YPEL2: variants seen among roughly 807,000 people sequenced by gnomAD.
YPEL2 encodes the protein yippee like 2.
YPEL2 carries 2 observed loss-of-function variants against 19.1 expected under a neutral mutation model. The observed-to-expected ratio is 0.10, with a 90% CI of 0.04 to 0.33. YPEL2 has a LOEUF of 0.33. Ranked by LOEUF, YPEL2 falls within the 10% of genes least tolerant of loss-of-function variation. The pLI, the probability that YPEL2 is intolerant of heterozygous loss-of-function variation, is 1.00. For synonymous variants in YPEL2, 52 were observed against 50.0 expected (o/e 1.04, Z -0.17); for missense variants, 66 against 140.7 (o/e 0.47, Z 2.68).
At chr17:59,380,688 C>G (rs944531240) in intron 2 of YPEL2, among the ~76,000 whole-genome samples, 5 of 152,188 alleles carry the variant, frequency 3.3e-5, no homozygotes, top group African/African-American at 1.2e-4. Context: ...AGTAACATAG[C>G]TAGTATACAG....
At chr17:59,387,203 G>C (rs1013091016) in intron 2 of YPEL2, among the ~76,000 whole-genome samples, 2 of 139,034 alleles carry the variant, frequency 1.4e-5, no homozygotes, top group Admixed American at 1.6e-4. Context: ...GAGGTGCAGT[G>C]AGCCAAGATC....
intron 2 of YPEL2, among the ~76,000 whole-genome samples, chr17:59,382,207 G>A (rs918614812): frequency 6.6e-6 from 1 of 152,218 alleles, no homozygotes; most frequent in African/African-American, 2.4e-5. Flanking sequence ...GCTCCTCAAG[G>A]GAACCTGAGT....
intron 2 of YPEL2, among the ~76,000 whole-genome samples, chr17:59,378,626 C>A (rs964959815): frequency 6.6e-6 from 1 of 152,156 alleles, no homozygotes; most frequent in African/African-American, 2.4e-5. Context: ...TGTGAGCCAC[C>A]GTGCCTGGCT....
At position 59,400,141 on chromosome 17, in the gene YPEL2, C is replaced by A. The variant is rs927409150; in HGVS notation, c.*2951C>A. 1.3e-5 allele frequency: 2 copies of A among 152,578 alleles called. No homozygotes were observed. The highest frequency in any genetic ancestry group is 4.8e-5 in the African/African-American group (2 of 41,416). The allele number at this position is 152,578 out of a possible 1,614,324, so 9.5% of individuals were successfully genotyped here. A position where few individuals can be genotyped will look rare whatever the true frequency, so the allele number is the denominator to read the frequency against. On this transcript the variant is annotated 3_prime_UTR_variant, in exon 5 of 5. Coordinates refer to ENST00000312655, the MANE Select transcript of YPEL2 (RefSeq NM_001005404.4). ...TGCTGATGGATTGATTTGACATGAA[C>A]CAAACACAGCCAAACTCGATACCCA...
intron 1 of YPEL2, among the ~76,000 whole-genome samples, chr17:59,341,307 G>A (rs1041989840): frequency 6.6e-6 from 1 of 151,886 alleles, no homozygotes; most frequent in African/African-American, 2.4e-5. Flanking sequence ...CAGGAGAATC[G>A]CTTGAACCCG....
At chr17:59,395,349 C>A (rs2048033328) in intron 4 of YPEL2, among the ~76,000 whole-genome samples, 1 of 152,136 alleles carries the variant, frequency 6.6e-6, no homozygotes, top group Non-Finnish European at 1.5e-5. Context: ...CAACGGTGAC[C>A]CAGAACCCCG....
At position 59,395,842 on chromosome 17, in the gene YPEL2, G is replaced by C. The variant is rs527794349; in HGVS notation, c.271-1259G>C. 1.1e-3 allele frequency among the ~76,000 whole-genome samples: 164 copies of C among 152,268 alleles called. 1 individual carries two copies. Among genetic ancestry groups the C allele is most frequent in the South Asian group, 2.9e-3 (14 of 4,822 alleles). On this transcript the variant is annotated intron_variant, in intron 4 of 4. Coordinates refer to ENST00000312655, the MANE Select transcript of YPEL2 (RefSeq NM_001005404.4). ...ACCTGTAATCCCAGCACTTTGGGAG[G>C]CCTAGGCGGGTGGATCACGAGGTCA... is the stretch of plus-strand genomic sequence containing the variant.
intron 2 of YPEL2, among the ~76,000 whole-genome samples, chr17:59,374,135 A>T (rs770201534): frequency 1.3e-4 from 20 of 152,180 alleles, no homozygotes; most frequent in Non-Finnish European, 2.5e-4. Context: ...CTAGCTAAGG[A>T]CACCATCCTA....
intron 1 of YPEL2, among the ~76,000 whole-genome samples, chr17:59,332,605 C>T (rs905376282): frequency 2.0e-5 from 3 of 152,056 alleles, no homozygotes; most frequent in Non-Finnish European, 4.4e-5. Context: ...GTGGGCTTTT[C>T]TCCGGTCTTG....
chr17:59,395,042 C>T (rs1171704462), intron 4 of YPEL2, among the ~76,000 whole-genome samples: 3 of 152,236 alleles, frequency 2.0e-5, no homozygotes, highest in Non-Finnish European at 4.4e-5. Flanking sequence ...GGCATCAGTA[C>T]AGTCCAGCTT....
intron 1 of YPEL2, among the ~76,000 whole-genome samples, chr17:59,349,906 G>A (rs1041665433): frequency 2.0e-5 from 3 of 151,968 alleles, no homozygotes; most frequent in Non-Finnish European, 4.4e-5. Context: ...TGATCCGCCC[G>A]CCTCAGCCTC....
intron 2 of YPEL2, among the ~76,000 whole-genome samples, chr17:59,367,603 A>C (rs1392950096): frequency 6.6e-6 from 1 of 152,176 alleles, no homozygotes; most frequent in African/African-American, 2.4e-5. Context: ...GATTAGAATG[A>C]CTGTTGTGAA....
chr17:59,332,083 G>A (rs941122539), intron 1 of YPEL2, among the ~76,000 whole-genome samples: 1 of 151,952 alleles, frequency 6.6e-6, no homozygotes, highest in African/African-American at 2.4e-5. Context: ...AAGGGCGCGG[G>A]ACCCCCGGCC....
intron 1 of YPEL2, among the ~76,000 whole-genome samples, chr17:59,344,952 G>A (rs557665215): frequency 2.0e-5 from 3 of 152,210 alleles, no homozygotes; most frequent in African/African-American, 7.2e-5. Context: ...ATTTTTCCAC[G>A]GATGTGGGGG....
chr17:59,343,380 T>C (rs1361739705), intron 1 of YPEL2, among the ~76,000 whole-genome samples: 1 of 152,134 alleles, frequency 6.6e-6, no homozygotes, highest in African/African-American at 2.4e-5. Flanking sequence ...TGGGGGGATC[T>C]GGAAGGCCGG....
At chr17:59,367,325 G>A (rs954891182) in intron 2 of YPEL2, among the ~76,000 whole-genome samples, 2 of 152,156 alleles carry the variant, frequency 1.3e-5, no homozygotes, top group Admixed American at 6.5e-5. Context: ...CCAGAGTAGG[G>A]GCAGCCAGTC....
At chr17:59,349,090 C>G (rs918795104) in intron 1 of YPEL2, among the ~76,000 whole-genome samples, 1 of 140,074 alleles carries the variant, frequency 7.1e-6, no homozygotes, top group Non-Finnish European at 1.5e-5. Context: ...AGGAGAATGG[C>G]GTGAACCCGG....
At chr17:59,345,838 G>A (rs748401459) in intron 1 of YPEL2, among the ~76,000 whole-genome samples, 20 of 152,138 alleles carry the variant, frequency 1.3e-4, no homozygotes, top group Non-Finnish European at 2.5e-4. Context: ...CTCCAATTGC[G>A]TTATCTCATT....
intron 2 of YPEL2, among the ~76,000 whole-genome samples, chr17:59,358,754 C>T (rs936676276): frequency 2.0e-5 from 3 of 151,682 alleles, no homozygotes; most frequent in African/African-American, 4.8e-5. Flanking sequence ...GGATTATAGG[C>T]GCCCGCCTCC....
Sources: gnomAD v4.1 joint callset for allele counts (sites outside exome capture counted in the v4.1 genomes callset) on GRCh38, gnomAD v4.1.1 for gene constraint, MANE v1.5 for transcripts, NCBI Gene and HGNC (gene_info 2026-07-23, HGNC 2026-07-21) for gene names.